The following LINS1 variants were observed in gnomAD, a reference collection of about 807,000 sequenced individuals.
LINS1 encodes the protein lines homolog 1.
In LINS1, 27 loss-of-function variants were observed where a neutral mutation model predicts 41.6. The observed-to-expected ratio is 0.65, with a 90% CI of 0.48 to 0.89. The LOEUF (loss-of-function observed/expected upper bound fraction) is 0.89, where lower values mean the gene tolerates loss of function less well. Among genes scored for constraint, LINS1 ranks in the 40% least tolerant of loss-of-function variants. The probability of loss-of-function intolerance (pLI) is 0.00; values close to 1 mark genes in which losing one functional copy is unlikely to be tolerated. For missense variants in LINS1, 955 were observed against 884.1 expected (o/e 1.08, Z -1.02); for synonymous variants, 336 against 312.9 (o/e 1.07, Z -0.78).
intron 1 of LINS1, among the ~76,000 whole-genome samples, chr15:100,582,942 T>C (rs2038629276): frequency 6.7e-6 from 1 of 150,216 alleles, no homozygotes; most frequent in Non-Finnish European, 1.5e-5. Flanking sequence ...TATGGCCCAC[T>C]AGCCTAGTCT....
At chr15:100,586,360 A>C (rs573287876) in intron 1 of LINS1, 1 of 152,248 alleles carries the variant, frequency 6.6e-6, no homozygotes, top group Non-Finnish European at 1.5e-5. Context: ...AGTGAATGGG[A>C]TAAGTGTTTT....
At position 100,569,763 on chromosome 15, in the gene LINS1, G is replaced by A. The variant is rs2037709829; in HGVS notation, c.1749C>T (p.His583=). Residue 583 remains histidine, a synonymous_variant, in exon 7 of 7, where the codon CAC becomes CAT. Transcript: ENST00000314742. ...AGGAGTGCCGAGCACACACATCTCTGTGACTATGAGGAGCAGTCAAACGAT... is the reference window on the plus strand; with the variant it reads ...AGGAGTGCCGAGCACACACATCTCTATGACTATGAGGAGCAGTCAAACGAT... The part of the protein sequence containing the change: ...IPHRLTAPHS[H]RDVCARHSWA... The A allele has an allele frequency of 6.2e-7, 1 of 1,613,976 alleles. No homozygotes were observed. The highest frequency in any genetic ancestry group is 8.5e-7 in the Non-Finnish European group (1 of 1,179,938).
At chr15:100,592,361 G>A (rs938981174) in intron 1 of LINS1, among the ~76,000 whole-genome samples, 1 of 152,076 alleles carries the variant, frequency 6.6e-6, no homozygotes, top group South Asian at 2.1e-4. Flanking sequence ...GGATTTTTAC[G>A]GAGGCTTCTT....
chr15:100,572,251 G>GA (rs1342597435), intron 5 of LINS1, 186 bp from the exon 6 acceptor site: 7 of 1,410,172 alleles, frequency 5.0e-6, no homozygotes, highest in Non-Finnish European at 6.5e-6. Context: ...GAGGCTCAGG[G>GA]AAAAAAAGTG....
intron 1 of LINS1, among the ~76,000 whole-genome samples, chr15:100,592,910 G>C (rs1294551229): frequency 2.0e-5 from 3 of 152,168 alleles, no homozygotes. Flanking sequence ...AAATGTCCGT[G>C]GGTAGCCCAT....
chr15:100,580,982 T>C, intron 1 of LINS1, 37 bp from the exon 2 acceptor site: 1 of 724,482 alleles, frequency 1.4e-6, no homozygotes, highest in Non-Finnish European at 2.2e-6. Flanking sequence ...TTCTAACTGC[T>C]ATATGCTTAT....
At chr15:100,594,568 T>TG (rs1293759377) in intron 1 of LINS1, among the ~76,000 whole-genome samples, 1 of 151,910 alleles carries the variant, frequency 6.6e-6, no homozygotes, top group Middle Eastern at 3.2e-3. Flanking sequence ...TAAAATGGTG[T>TG]GGTATTTGCA....
intron 1 of LINS1, among the ~76,000 whole-genome samples, chr15:100,596,407 C>T (rs2039246950): frequency 7.8e-6 from 1 of 128,496 alleles, no homozygotes; most frequent in South Asian, 2.5e-4. Flanking sequence ...AAATTGTCTT[C>T]CTATTAAACT....
At chr15:100,598,690 C>T (rs2039349158) in intron 1 of LINS1, among the ~76,000 whole-genome samples, 2 of 152,222 alleles carry the variant, frequency 1.3e-5, no homozygotes, top group Admixed American at 1.3e-4. Flanking sequence ...TACAATTTCT[C>T]TACCCAGCCC....
intron 1 of LINS1, among the ~76,000 whole-genome samples, chr15:100,598,384 T>A (rs964547734): frequency 6.6e-6 from 1 of 152,220 alleles, no homozygotes; most frequent in Non-Finnish European, 1.5e-5. Context: ...TGTAATATTT[T>A]AAGTTGTGAA....
chr15:100,574,824 C>A (rs778249780), intron 4 of LINS1, among the ~76,000 whole-genome samples, 163 bp downstream of exon 4: 27 of 151,530 alleles, frequency 1.8e-4, no homozygotes, highest in Non-Finnish European at 3.5e-4. Flanking sequence ...ACTTTTTTTT[C>A]TTTTAAAACA....
intron 5 of LINS1, chr15:100,572,940 G>T (rs2037915075): frequency 1.8e-6 from 1 of 568,292 alleles, no homozygotes; most frequent in Non-Finnish European, 2.2e-6. Flanking sequence ...AGAGACGAGA[G>T]GATCACTTCA....
At chr15:100,586,144 G>C (rs577826512) in intron 1 of LINS1, 1 of 152,218 alleles carries the variant, frequency 6.6e-6, no homozygotes, top group Non-Finnish European at 1.5e-5. Flanking sequence ...TGCTCATTAA[G>C]ATAAATGCAT....
intron 1 of LINS1, 21 bp from the exon 2 acceptor site, chr15:100,580,966 T>C (rs1312044558): frequency 1.1e-6 from 1 of 869,938 alleles, no homozygotes; most frequent in East Asian, 2.7e-5. Flanking sequence ...AAAAATAATT[T>C]AAAAATTCTA....
Position 100,572,032 on chromosome 15 carries a change from G to C in LINS1, c.1256C>G (p.Thr419Ser), listed in dbSNP as rs772948377. The change falls in exon 6 of 7, where the codon ACC (threonine) becomes AGC (serine). Residue 419 changes from threonine (T) to serine (S), a missense_variant. Coordinates refer to ENST00000314742, the MANE Select transcript of LINS1 (RefSeq NM_001040616.3). The part of the protein sequence containing the change: ...DLQRFMSELL[T>S]FLKPHLQPSL... Reference sequence around the variant, plus strand: ...GGGCTGAAGATGAGGCTTTAAGAAGGTCAGTAACTCAGACATGAACCTCTG... The same window carrying C: ...GGGCTGAAGATGAGGCTTTAAGAAGCTCAGTAACTCAGACATGAACCTCTG... 2 of 1,614,018 alleles carry C rather than the reference G, an allele frequency of 1.2e-6. No homozygotes were observed. The highest frequency in any genetic ancestry group is 1.7e-5 in the Admixed American group (1 of 59,998).
rs765141049 is a variant in LINS1 at position 100,574,011 on chromosome 15, T to A, written c.862A>T (p.Thr288Ser). The A allele has an allele frequency of 1.9e-6, 3 of 1,614,024 alleles. No homozygotes were observed. ...LKPSCMLEVI[T>S]WPIQAFVKRK... ...TTAACAAAAGCCTGAATAGGCCAGG[T>A]AATAACTTCTAGCATGCAAGATGGT... Residue 288 changes from threonine (T) to serine (S), a missense_variant, in exon 5 of 7, where the codon ACC (threonine) becomes TCC (serine). Thr to Ser is a moderately conservative substitution (Grantham distance 58, BLOSUM62 1). Transcript: ENST00000314742.
rs527690508 is a variant in LINS1 at position 100,570,166 on chromosome 15, A to T, written c.1395-49T>A. 8.1e-4 allele frequency: 1,158 copies of T among 1,423,260 alleles called. 4 individuals carry two copies. The highest frequency in any genetic ancestry group is 6.8e-3 in the African/African-American group (462 of 67,730). 88.2% of individuals were successfully genotyped at this position (1,423,260 alleles called of 1,614,324 possible). A position where few individuals can be genotyped will look rare whatever the true frequency, so the allele number is the denominator to read the frequency against. ...TGCAGATTAATGACCTTACAAAAATAAACAGTTTTACCAGATATAATTCAC... is the reference window on the plus strand; with the variant it reads ...TGCAGATTAATGACCTTACAAAAATTAACAGTTTTACCAGATATAATTCAC... On this transcript the variant is annotated intron_variant, in intron 6 of 6. Transcript: ENST00000314742.
At position 100,572,073 on chromosome 15, in the gene LINS1, A is replaced by C. The variant is rs1391222127; in HGVS notation, c.1223-8T>G. 3.1e-6 allele frequency: 5 copies of C among 1,614,012 alleles called. No individual in the cohort carries two copies. In the East Asian group the frequency reaches 1.1e-4, roughly 36 times the overall value. On this transcript the variant is annotated splice_region_variant and splice_polypyrimidine_tract_variant and intron_variant, in intron 5 of 6. Transcript: ENST00000314742. ...TGAACCTCTGTAAGTCAACTTCAAA[A>C]AATGAAAATTTCAAAGTGTAGGCAA... is the stretch of plus-strand genomic sequence containing the variant.
At chr15:100,573,609 A>T in intron 5 of LINS1, 42 bp downstream of exon 5, 1 of 1,201,028 alleles carries the variant, frequency 8.3e-7, no homozygotes, top group Non-Finnish European at 1.2e-6. Context: ...GTACTTAAGT[A>T]AATAATTACA....
Sources: gnomAD v4.1 joint callset for allele counts (sites outside exome capture counted in the v4.1 genomes callset) on GRCh38, gnomAD v4.1.1 for gene constraint, MANE v1.5 for transcripts, NCBI Gene and HGNC (gene_info 2026-07-23, HGNC 2026-07-21) for gene names.